The following CBFA2T3 variants were observed in gnomAD, a reference collection of about 807,000 sequenced individuals.
The protein encoded by CBFA2T3 is transcriptional corepressor CBFA2T3.
Under a neutral mutation model 58.6 loss-of-function variants are expected in CBFA2T3, and 31 were observed. The observed-to-expected ratio is 0.53, with a 90% confidence interval of 0.40 to 0.71. CBFA2T3 has a LOEUF of 0.71. Among genes scored for constraint, CBFA2T3 ranks in the 30% least tolerant of loss-of-function variants. The probability of loss-of-function intolerance (pLI) is 0.00; values close to 1 mark genes in which losing one functional copy is unlikely to be tolerated. For synonymous variants in CBFA2T3, 531 were observed against 421.9 expected (o/e 1.26, Z -3.17); for missense variants, 1,076 against 963.1 (o/e 1.12, Z -1.55).
At chr16:88,912,713 A>G (rs1401944154) in intron 1 of CBFA2T3, among the ~76,000 whole-genome samples, 1 of 152,212 alleles carries the variant, frequency 6.6e-6, no homozygotes. Context: ...TGACTGGCGC[A>G]TAAGGACAAA....
chr16:88,959,616 G>A (rs768070732), intron 1 of CBFA2T3, among the ~76,000 whole-genome samples: 7 of 152,318 alleles, frequency 4.6e-5, no homozygotes, highest in Non-Finnish European at 8.8e-5. Context: ...CCAGGTGCAG[G>A]AGAGGGAAGG....
chr16:88,890,120 G>A (rs895730974), intron 5 of CBFA2T3, among the ~76,000 whole-genome samples: 1 of 151,934 alleles, frequency 6.6e-6, no homozygotes, highest in African/African-American at 2.4e-5. Flanking sequence ...CCTGGACGAT[G>A]CCCCGCGTGA....
intron 1 of CBFA2T3, among the ~76,000 whole-genome samples, chr16:88,909,007 C>T (rs890815614): frequency 2.0e-5 from 3 of 152,130 alleles, no homozygotes; most frequent in African/African-American, 7.2e-5. Flanking sequence ...GGAATATGCT[C>T]CCGGGGAGCG....
At chr16:88,883,251 T>C (rs1288404832) in intron 7 of CBFA2T3, 1 of 175,326 alleles carries the variant, frequency 5.7e-6, no homozygotes, top group African/African-American at 2.4e-5. Context: ...GTAACCTCAC[T>C]GGGAGGAGCT....
At chr16:88,881,704 T>C (rs967249424) in intron 8 of CBFA2T3, 8 of 546,670 alleles carry the variant, frequency 1.5e-5, no homozygotes, top group Admixed American at 3.2e-5. Context: ...CAGACTCACA[T>C]GGACACGTGC....
chr16:88,932,105 C>T (rs1013716097), intron 1 of CBFA2T3, among the ~76,000 whole-genome samples: 44 of 152,258 alleles, frequency 2.9e-4, no homozygotes, highest in African/African-American at 9.9e-4. Context: ...CAACGGCACC[C>T]GACGCAGTGA....
At position 88,977,029 on chromosome 16, in the gene CBFA2T3, C is replaced by G. The variant is rs887088888; in HGVS notation, c.-222G>C. ...TGGGAGCCCTGGGGCTCATGTGACG[C>G]GGGGCGGGCCTGGGGCTGCAGGCTG... On this transcript the variant is annotated 5_prime_UTR_variant, in exon 1 of 12. Coordinates refer to ENST00000268679, the MANE Select transcript of CBFA2T3 (RefSeq NM_005187.6). The G allele has an allele frequency of 2.1e-6, 1 of 473,578 alleles. No individual in the cohort carries two copies. Among genetic ancestry groups the G allele is most frequent in the African/African-American group, 1.9e-5 (1 of 51,896 alleles). The allele number at this position is 473,578 out of a possible 1,614,324, so 29.3% of individuals were successfully genotyped here. A position where few individuals can be genotyped will look rare whatever the true frequency, so the allele number is the denominator to read the frequency against.
At chr16:88,920,712 G>A (rs949864077) in intron 1 of CBFA2T3, among the ~76,000 whole-genome samples, 3 of 152,234 alleles carry the variant, frequency 2.0e-5, no homozygotes, top group Non-Finnish European at 4.4e-5. Flanking sequence ...GGCGGCCTCT[G>A]CCTCCCCGTG....
chr16:88,880,446 C>A (rs1175635381), intron 10 of CBFA2T3, among the ~76,000 whole-genome samples: 1 of 152,254 alleles, frequency 6.6e-6, no homozygotes, highest in Non-Finnish European at 1.5e-5. Context: ...GTGTGCGCTT[C>A]TGCGTGCCCT....
At chr16:88,937,733 G>GCC (rs1971552839) in intron 1 of CBFA2T3, 1 of 152,298 alleles carries the variant, frequency 6.6e-6, no homozygotes, top group Non-Finnish European at 1.5e-5. Flanking sequence ...ATGTGACTCT[G>GCC]CCCCCGCCTG....
intron 1 of CBFA2T3, among the ~76,000 whole-genome samples, chr16:88,973,884 C>T (rs1313495641): frequency 2.7e-5 from 4 of 148,650 alleles, no homozygotes; most frequent in Non-Finnish European, 4.4e-5. Flanking sequence ...AACATCTGCC[C>T]GCCTTGCCCG....
intron 1 of CBFA2T3, among the ~76,000 whole-genome samples, chr16:88,922,730 G>A (rs1970962042): frequency 6.6e-6 from 1 of 152,214 alleles, no homozygotes; most frequent in Non-Finnish European, 1.5e-5. Flanking sequence ...GTGGTGGACG[G>A]CCCCTTCCTG....
chr16:88,918,196 A>T (rs1970799543), intron 1 of CBFA2T3, among the ~76,000 whole-genome samples: 1 of 151,704 alleles, frequency 6.6e-6, no homozygotes, highest in African/African-American at 2.4e-5. Flanking sequence ...TTTCTTTCTC[A>T]CCCCCACCCA....
chr16:88,912,188 C>T (rs553586707), intron 1 of CBFA2T3, among the ~76,000 whole-genome samples: 73 of 152,374 alleles, frequency 4.8e-4, no homozygotes, highest in African/African-American at 1.6e-3. Flanking sequence ...CGGACCTGGC[C>T]TTGCCTCTTC....
At chr16:88,892,507 G>A (rs1969682473) in intron 3 of CBFA2T3, 22 bp from the exon 4 acceptor site, 2 of 1,609,448 alleles carry the variant, frequency 1.2e-6, no homozygotes, top group East Asian at 2.2e-5. Flanking sequence ...AAGCGGACAT[G>A]AGGACACAAA....
At position 88,877,291 on chromosome 16, in the gene CBFA2T3, G is replaced by GGGGCCAGTCA; in HGVS notation, c.1663-26_1663-17dup. 1 of 1,536,944 alleles carries GGGGCCAGTCA rather than the reference G, an allele frequency of 6.5e-7. No individual in the cohort carries two copies. The highest frequency in any genetic ancestry group is 8.8e-7 in the Non-Finnish European group (1 of 1,140,602). On this transcript the variant is annotated splice_polypyrimidine_tract_variant and intron_variant, in intron 11 of 11. Transcript: ENST00000268679. ...TCCAGCAGCTCTGGGTGGGGGCAGA[G>GGGGCCAGTCA]GGGCCAGTCAGGGCTGGGTCTGGCC... is the stretch of plus-strand genomic sequence containing the variant.
rs1480111832 is a variant in CBFA2T3 at position 88,950,548 on chromosome 16, C to G, written c.151+26109G>C. 7 of 431,450 alleles carry G rather than the reference C, an allele frequency of 1.6e-5. 1 individual carries two copies. Among genetic ancestry groups the G allele is most frequent in the Non-Finnish European group, 2.8e-5 (6 of 218,150 alleles). The allele number at this position is 431,450 out of a possible 1,614,324, so 26.7% of individuals were successfully genotyped here. On this transcript the variant is annotated intron_variant, in intron 1 of 11. Transcript: ENST00000268679. ...CGGGTCAGTTCACCCGTCCCCTGGACCGGCACCGCCACAGAGGGTCAGGAG... is the reference window on the plus strand; with the variant it reads ...CGGGTCAGTTCACCCGTCCCCTGGAGCGGCACCGCCACAGAGGGTCAGGAG...
intron 1 of CBFA2T3, among the ~76,000 whole-genome samples, chr16:88,910,162 G>T (rs1970483818): frequency 6.6e-6 from 1 of 152,250 alleles, no homozygotes. Context: ...TTGCCCCAGG[G>T]CCTTTGCATG....
intron 3 of CBFA2T3, among the ~76,000 whole-genome samples, chr16:88,895,380 T>G (rs991835225): frequency 6.6e-6 from 1 of 152,102 alleles, no homozygotes; most frequent in East Asian, 1.9e-4. Flanking sequence ...TGCGCCCGGG[T>G]CAGGAAGCTG....
Sources: gnomAD v4.1 joint callset for allele counts (sites outside exome capture counted in the v4.1 genomes callset) on GRCh38, gnomAD v4.1.1 for gene constraint, MANE v1.5 for transcripts, NCBI Gene and HGNC (gene_info 2026-07-23, HGNC 2026-07-21) for gene names.